Variants in GRM5 observed in about 807,000 individuals in gnomAD.
GRM5 encodes the protein glutamate metabotropic receptor 5.
A neutral mutation model predicts 83.1 loss-of-function variants in GRM5; 19 were observed. That is an observed-to-expected ratio of 0.23 (90% CI 0.16 to 0.34). GRM5 has a LOEUF of 0.34. Among genes scored for constraint, GRM5 ranks in the 10% least tolerant of loss-of-function variants. GRM5 has a pLI of 1.00. For missense variants in GRM5, 1,160 were observed against 1,588.3 expected, an observed-to-expected ratio of 0.73 and a Z score of 4.58; for synonymous variants, 675 against 633.6, an observed-to-expected ratio of 1.07 and a Z score of -0.98.
chr11:88,974,291 C>T lies in GRM5; in HGVS notation c.661+72921G>A, dbSNP rs188864194. Among the ~76,000 whole-genome samples, 619 of 151,954 alleles carry T rather than the reference C, an allele frequency of 4.1e-3. 6 individuals are homozygous for T. Among genetic ancestry groups the T allele is most frequent in the African/African-American group, 0.014 (595 of 41,442 alleles). On this transcript the variant is annotated intron_variant, in intron 2 of 9. Coordinates refer to ENST00000305447, the MANE Select transcript of GRM5 (RefSeq NM_001143831.3). ...AGGTGGGCATTTGCCTTCCCAGCTTCTGGAGTAGATATGAAAATGGAGAAA... is the reference window on the plus strand; with the variant it reads ...AGGTGGGCATTTGCCTTCCCAGCTTTTGGAGTAGATATGAAAATGGAGAAA...
chr11:88,880,127 T>C (rs1310977742), intron 2 of GRM5, among the ~76,000 whole-genome samples: 1 of 152,030 alleles, frequency 6.6e-6, no homozygotes, highest in Non-Finnish European at 1.5e-5. Flanking sequence ...CATCTTTTGC[T>C]AGGCATGAAA....
rs943615842 is a variant in GRM5, at chr11:89,043,327, A to AT, written c.661+3884dup. Among the ~76,000 whole-genome samples, 21 of 151,798 alleles carry AT rather than the reference A, an allele frequency of 1.4e-4. No homozygotes were observed. The East Asian group carries it at 1.7e-3, about 13-fold the overall frequency. On this transcript the variant is annotated intron_variant, in intron 2 of 9. Coordinates refer to ENST00000305447, the MANE Select transcript of GRM5 (RefSeq NM_001143831.3). Reference sequence around the variant, plus strand: ...AATCACCCAGGAAGTACAATATAAAATTTTTTTTTGTATAAAACACAATAC... The same window carrying AT: ...AATCACCCAGGAAGTACAATATAAAATTTTTTTTTTGTATAAAACACAATAC...
intron 2 of GRM5, among the ~76,000 whole-genome samples, chr11:88,924,359 G>A (rs1945749678): frequency 6.6e-6 from 1 of 152,050 alleles, no homozygotes; most frequent in African/African-American, 2.4e-5. Flanking sequence ...ACATTCCCAT[G>A]TTTATTGCAG....
intron 2 of GRM5, among the ~76,000 whole-genome samples, chr11:89,024,074 G>T (rs1941064380): frequency 6.6e-6 from 1 of 151,780 alleles, no homozygotes; most frequent in African/African-American, 2.4e-5. Flanking sequence ...AAATTAGTTG[G>T]GCGTGGTGGT....
At chr11:88,674,293 C>T (rs941634415) in intron 3 of GRM5, among the ~76,000 whole-genome samples, 4 of 151,802 alleles carry the variant, frequency 2.6e-5, no homozygotes, top group Non-Finnish European at 4.4e-5. Flanking sequence ...TCCTACAGGC[C>T]GAGTTTAGAT....
At chr11:88,854,640 T>A (rs1939093) in intron 2 of GRM5, among the ~76,000 whole-genome samples, 1 of 151,528 alleles carries the variant, frequency 6.6e-6, no homozygotes, top group Admixed American at 6.6e-5. Context: ...AGGGAAGAGG[T>A]CAGGAAGGGA....
intron 3 of GRM5, among the ~76,000 whole-genome samples, chr11:88,736,154 C>T (rs1941909272): frequency 6.6e-6 from 1 of 152,022 alleles, no homozygotes; most frequent in African/African-American, 2.4e-5. Context: ...TTTCTAATGA[C>T]AATTTCAGTT....
intron 2 of GRM5, among the ~76,000 whole-genome samples, chr11:88,942,178 G>A (rs1938137526): frequency 6.6e-6 from 1 of 151,990 alleles, no homozygotes; most frequent in Non-Finnish European, 1.5e-5. Flanking sequence ...TGTGCTGTAA[G>A]TATTCTCAGG....
chr11:88,600,621 C>T (rs935440967), intron 5 of GRM5, among the ~76,000 whole-genome samples: 1 of 151,896 alleles, frequency 6.6e-6, no homozygotes, highest in Non-Finnish European at 1.5e-5. Flanking sequence ...TTAAGGTAAA[C>T]TAGAGAAAGT....
chr11:88,568,339 T>A (rs1189352770), intron 7 of GRM5, among the ~76,000 whole-genome samples: 1 of 152,166 alleles, frequency 6.6e-6, no homozygotes, highest in African/African-American at 2.4e-5. Flanking sequence ...AGCAGTCTCT[T>A]GAAGCAGCAA....
chr11:88,832,126 A>C (rs888910012), intron 3 of GRM5, among the ~76,000 whole-genome samples: 13 of 152,212 alleles, frequency 8.5e-5, no homozygotes, highest in African/African-American at 3.1e-4. Flanking sequence ...AAATCATACA[A>C]AAACTACACT....
chr11:88,635,455 C>T (rs918143799), intron 4 of GRM5, among the ~76,000 whole-genome samples: 2 of 152,144 alleles, frequency 1.3e-5, no homozygotes, highest in Non-Finnish European at 2.9e-5. Context: ...ATCTGTTGGA[C>T]ATTTGTATAT....
At chr11:88,930,090 T>A (rs1009714923) in intron 2 of GRM5, among the ~76,000 whole-genome samples, 1 of 152,066 alleles carries the variant, frequency 6.6e-6, no homozygotes, top group Non-Finnish European at 1.5e-5. Flanking sequence ...AAAAGGAGCA[T>A]CTGTCTTAAT....
At chr11:88,510,156 C>G (rs1258842999) in intron 9 of GRM5, among the ~76,000 whole-genome samples, 1 of 152,220 alleles carries the variant, frequency 6.6e-6, no homozygotes, top group African/African-American at 2.4e-5. Context: ...CTAATGAGAG[C>G]TTCTTTACTT....
At chr11:88,513,313 G>A (rs1941432448) in intron 9 of GRM5, among the ~76,000 whole-genome samples, 1 of 152,096 alleles carries the variant, frequency 6.6e-6, no homozygotes. Flanking sequence ...ACATGGTAGT[G>A]CTCAGTAATA....
chr11:88,770,498 T>G (rs1942712302), intron 3 of GRM5, among the ~76,000 whole-genome samples: 1 of 152,116 alleles, frequency 6.6e-6, no homozygotes, highest in South Asian at 2.1e-4. Flanking sequence ...ATCTAAAACT[T>G]CTCTTAAAAA....
chr11:88,523,963 A>T (rs1230617132), intron 9 of GRM5: 14 of 152,184 alleles, frequency 9.2e-5, no homozygotes, highest in African/African-American at 3.4e-4. Flanking sequence ...GCATATGCAC[A>T]TACTCTACTT....
At chr11:88,816,190 G>T (rs1328923604) in intron 3 of GRM5, among the ~76,000 whole-genome samples, 2 of 131,182 alleles carry the variant, frequency 1.5e-5, no homozygotes, top group Non-Finnish European at 1.5e-5. Flanking sequence ...TCCGCAGTCC[G>T]GCCTGGGCGA....
intron 3 of GRM5, among the ~76,000 whole-genome samples, chr11:88,655,746 C>T (rs1939751906): frequency 6.7e-6 from 1 of 150,044 alleles, no homozygotes; most frequent in African/African-American, 2.5e-5. Context: ...TTATTATTAG[C>T]CTTATAAGTT....
Sources: gnomAD v4.1 joint callset for allele counts (sites outside exome capture counted in the v4.1 genomes callset) on GRCh38, gnomAD v4.1.1 for gene constraint, MANE v1.5 for transcripts, NCBI Gene and HGNC (gene_info 2026-07-23, HGNC 2026-07-21) for gene names.